Variants in ANKRD30B observed in about 807,000 individuals in gnomAD.
The protein encoded by ANKRD30B is ankyrin repeat domain 30B.
A neutral mutation model predicts 202.2 loss-of-function variants in ANKRD30B; 144 were observed. The observed-to-expected ratio is 0.71, with a 90% CI of 0.62 to 0.82. The LOEUF is 0.82. Ranked by LOEUF, ANKRD30B falls within the 40% of genes least tolerant of loss-of-function variation. ANKRD30B has a pLI of 0.00. For synonymous variants in ANKRD30B, 508 were observed against 561.3 expected (o/e 0.91, Z 1.34); for missense variants, 1,487 against 1,669.1 (o/e 0.89, Z 1.90).
At chr18:14,790,653 G>A (rs1476718396) in intron 15 of ANKRD30B, among the ~76,000 whole-genome samples, 1 of 152,012 alleles carries the variant, frequency 6.6e-6, no homozygotes, top group South Asian at 2.1e-4. Context: ...ATAATCATGT[G>A]GTTTTTGTCT....
At chr18:14,774,893 C>T (rs1967255083) in intron 9 of ANKRD30B, among the ~76,000 whole-genome samples, 1 of 151,500 alleles carries the variant, frequency 6.6e-6, no homozygotes, top group Non-Finnish European at 1.5e-5. Flanking sequence ...TTTGGGAGTC[C>T]AAGGCCGGCA....
At position 14,753,012 on chromosome 18, in the gene ANKRD30B, G is replaced by T; in HGVS notation, c.510G>T (p.Lys170Asn). The T allele has an allele frequency of 6.3e-7, 1 of 1,581,162 alleles. No individual in the cohort carries two copies. ...SYGAVIEVQN[K>N]ASLTPLLLAI... Reference sequence around the variant, plus strand: ...GTGCAGTCATCGAGGTGCAAAACAAGGTAGACATTAACCAATGTTATTTTC... The same window carrying T: ...GTGCAGTCATCGAGGTGCAAAACAATGTAGACATTAACCAATGTTATTTTC... The change falls in exon 3 of 44, where the codon AAG becomes AAT. Residue 170 changes from lysine to asparagine, a missense_variant and splice_region_variant. Physicochemically the swap from Lys to Asn is moderately conservative, Grantham distance 94. Transcript: ENST00000690538.
At chr18:14,912,113 T>C in the ANKRD30B span, among the ~76,000 whole-genome samples, 1 of 152,164 alleles carries the variant, frequency 6.6e-6, no homozygotes, top group Non-Finnish European at 1.5e-5. Flanking sequence ...GTCTTTTGAT[T>C]TATTTTGTCT....
intron 7 of ANKRD30B, among the ~76,000 whole-genome samples, chr18:14,767,180 C>T (rs1185864843): frequency 6.6e-6 from 1 of 152,114 alleles, no homozygotes; most frequent in East Asian, 1.9e-4. Flanking sequence ...TTATCTGCTT[C>T]TTGTGGAGAG....
At chr18:14,832,184 G>A (rs1430361792) in intron 34 of ANKRD30B, among the ~76,000 whole-genome samples, 3 of 152,162 alleles carry the variant, frequency 2.0e-5, no homozygotes, top group Admixed American at 2.0e-4. Flanking sequence ...GGCACATAGC[G>A]AGACCTTATC....
the ANKRD30B span, among the ~76,000 whole-genome samples, chr18:14,886,491 G>A: frequency 6.6e-6 from 1 of 151,898 alleles, no homozygotes; most frequent in Non-Finnish European, 1.5e-5. Flanking sequence ...TACCAGGAAT[G>A]GATTTACTAC....
At chr18:14,828,752 G>T (rs1034396092) in intron 33 of ANKRD30B, among the ~76,000 whole-genome samples, 1 of 152,150 alleles carries the variant, frequency 6.6e-6, no homozygotes, top group African/African-American at 2.4e-5. Flanking sequence ...CCAAGACTTT[G>T]TTCTAACATG....
chr18:14,806,196 G>T (rs1260029955), intron 24 of ANKRD30B, among the ~76,000 whole-genome samples: 1 of 147,166 alleles, frequency 6.8e-6, no homozygotes, highest in African/African-American at 2.5e-5. Context: ...CTCCAGCCTG[G>T]GTGACAGGGC....
At chr18:14,864,914 A>G in the ANKRD30B span, among the ~76,000 whole-genome samples, 80 of 147,838 alleles carry the variant, frequency 5.4e-4, no homozygotes, top group African/African-American at 1.9e-3. Flanking sequence ...TAACCCATCT[A>G]CCTCCCCAAT....
chr18:14,902,991 C>T, the ANKRD30B span, among the ~76,000 whole-genome samples: 1 of 152,170 alleles, frequency 6.6e-6, no homozygotes, highest in African/African-American at 2.4e-5. Flanking sequence ...TAAAACAATT[C>T]ACACAGTAGA....
At chr18:14,836,495 T>C (rs1971179190) in intron 34 of ANKRD30B, among the ~76,000 whole-genome samples, 1 of 152,116 alleles carries the variant, frequency 6.6e-6, no homozygotes, top group Non-Finnish European at 1.5e-5. Flanking sequence ...ATTACCATAA[T>C]TAACTCTCTA....
intron 34 of ANKRD30B, among the ~76,000 whole-genome samples, chr18:14,831,810 A>G (rs1970956488): frequency 6.6e-6 from 1 of 152,192 alleles, no homozygotes; most frequent in African/African-American, 2.4e-5. Flanking sequence ...TCTTTGCATA[A>G]GTAAACTTAC....
At chr18:14,860,340 C>T in the ANKRD30B span, among the ~76,000 whole-genome samples, 1 of 117,868 alleles carries the variant, frequency 8.5e-6, no homozygotes, top group Non-Finnish European at 1.8e-5. Flanking sequence ...CTCCTCACTT[C>T]CCAGACAGGG....
chr18:14,778,264 T>A (rs1967507220), intron 10 of ANKRD30B, among the ~76,000 whole-genome samples, 189 bp downstream of exon 10: 1 of 152,148 alleles, frequency 6.6e-6, no homozygotes, highest in Admixed American at 6.5e-5. Flanking sequence ...AAAAAAGAGC[T>A]GAATTATTAG....
intron 5 of ANKRD30B, among the ~76,000 whole-genome samples, chr18:14,758,263 C>G (rs186152600): frequency 3.3e-5 from 5 of 152,234 alleles, no homozygotes; most frequent in African/African-American, 1.2e-4. Context: ...CTGATAATGT[C>G]CCCTGGGGGC....
the ANKRD30B span, among the ~76,000 whole-genome samples, chr18:14,928,108 CAGGCACCT>C: frequency 6.6e-6 from 1 of 152,124 alleles, no homozygotes; most frequent in Admixed American, 6.6e-5. Context: ...GCTGGGATTA[CAGGCACCT>C]GCCACCATGC....
chr18:14,839,154 A>C (rs1971302399), intron 36 of ANKRD30B, among the ~76,000 whole-genome samples: 1 of 152,220 alleles, frequency 6.6e-6, no homozygotes. Context: ...CCAAGATGAA[A>C]GATTATGCTG....
the ANKRD30B span, among the ~76,000 whole-genome samples, chr18:14,873,466 A>C: frequency 6.8e-6 from 1 of 148,134 alleles, no homozygotes; most frequent in African/African-American, 2.5e-5. Context: ...CAGAGGTTGC[A>C]GTGAGCCGAG....
intron 20 of ANKRD30B, among the ~76,000 whole-genome samples, chr18:14,798,196 C>A (rs1196857532): frequency 7.4e-6 from 1 of 135,844 alleles, no homozygotes; most frequent in Non-Finnish European, 1.5e-5. Context: ...CTTGTCGTCC[C>A]GTGGTGCCAA....
Sources: gnomAD v4.1 joint callset for allele counts (sites outside exome capture counted in the v4.1 genomes callset) on GRCh38, gnomAD v4.1.1 for gene constraint, MANE v1.5 for transcripts, NCBI Gene and HGNC (gene_info 2026-07-23, HGNC 2026-07-21) for gene names.